The following STXBP3 variants were observed in gnomAD, a reference collection of about 807,000 sequenced individuals.
STXBP3 encodes the protein syntaxin-binding protein 3.
STXBP3 carries 41 observed loss-of-function variants against 85.7 expected under a neutral mutation model. The observed-to-expected ratio is 0.48, with a 90% CI of 0.37 to 0.62. STXBP3 has a LOEUF of 0.62. STXBP3 is among the 20% of genes least tolerant of loss of function. STXBP3 has a pLI of 0.00. For synonymous variants in STXBP3, 229 were observed against 231.7 expected, an observed-to-expected ratio of 0.99 and a Z score of 0.10; for missense variants, 563 against 703.1, an observed-to-expected ratio of 0.80 and a Z score of 2.25.
chr1:108,772,452 TATAA>T (rs1339368282), intron 6 of STXBP3, among the ~76,000 whole-genome samples: 1 of 143,632 alleles, frequency 7.0e-6, no homozygotes, highest in Non-Finnish European at 1.5e-5. Context: ...CTGTATAATA[TATAA>T]ATACATATAT....
chr1:108,783,244 A>T lies in STXBP3; in HGVS notation c.963+538A>T, dbSNP rs543170057. Among the ~76,000 whole-genome samples the T allele has an allele frequency of 2.6e-5, 4 of 152,328 alleles. No individual in the cohort carries two copies. The South Asian group carries it at 8.3e-4, about 32-fold the overall frequency. ...TGCATTGTTGGGATTTTACATTCAGATATAATTTATAAGTAAAGCACACAA... is the reference window on the plus strand; with the variant it reads ...TGCATTGTTGGGATTTTACATTCAGTTATAATTTATAAGTAAAGCACACAA... On this transcript the variant is annotated intron_variant, in intron 11 of 18. Transcript: ENST00000370008.
At position 108,794,881 on chromosome 1, in the gene STXBP3, A is replaced by G. The variant is rs1275580648; in HGVS notation, c.1084A>G (p.Ile362Val). 2.5e-6 allele frequency: 4 copies of G among 1,609,194 alleles called. No individual in the cohort carries two copies. The highest frequency in any genetic ancestry group is 2.5e-6 in the Non-Finnish European group (3 of 1,177,308). The change falls in exon 13 of 19, where the codon ATA becomes GTA. Residue 362 changes from isoleucine (I) to valine (V), a missense_variant. By Grantham distance (29) the Ile-to-Val change is conservative (BLOSUM62 3). Transcript: ENST00000370008. Reference protein sequence around the residue: ...EDCMNKFKLNIEKLCKTEQDL... With the variant: ...EDCMNKFKLNVEKLCKTEQDL... ...TTGCATGAATAAGTTCAAGCTTAAT[A>G]TAGAAAAGCTCTGCAAAACTGAACA...
chr1:108,803,702 T>C (rs965199939), intron 17 of STXBP3, among the ~76,000 whole-genome samples: 16 of 152,204 alleles, frequency 1.1e-4, no homozygotes, highest in African/African-American at 3.6e-4. Context: ...TTGTCCAGGC[T>C]GGTCTCAAAC....
At chr1:108,799,636 T>G (rs1468228483) in intron 16 of STXBP3, among the ~76,000 whole-genome samples, 1 of 152,158 alleles carries the variant, frequency 6.6e-6, no homozygotes, top group Non-Finnish European at 1.5e-5. Context: ...CTCCATACTT[T>G]TCAGTTCATG....
In STXBP3 at chr1:108,779,279, A is replaced by G; in HGVS notation, c.685-7A>G. The G allele has an allele frequency of 6.2e-7, 1 of 1,608,488 alleles. No individual in the cohort carries two copies. The highest frequency in any genetic ancestry group is 8.5e-7 in the Non-Finnish European group (1 of 1,177,260). ...CTGCTTAAGATGATTTTATCTTGTTATTCTAGGGTAAAACTCATTCACAGC... is the reference window on the plus strand; with the variant it reads ...CTGCTTAAGATGATTTTATCTTGTTGTTCTAGGGTAAAACTCATTCACAGC... On this transcript the variant is annotated splice_region_variant and splice_polypyrimidine_tract_variant and intron_variant, in intron 8 of 18. Transcript: ENST00000370008.
intron 1 of STXBP3, among the ~76,000 whole-genome samples, chr1:108,747,358 A>G (rs1181812804): frequency 6.6e-6 from 1 of 152,126 alleles, no homozygotes; most frequent in East Asian, 1.9e-4. Flanking sequence ...TTGAGAAGAG[A>G]CCATTGGAAT....
At chr1:108,767,462 A>T (rs948622611) in intron 6 of STXBP3, 1 of 193,600 alleles carries the variant, frequency 5.2e-6, no homozygotes, top group Non-Finnish European at 1.1e-5. Flanking sequence ...CCTCCTGTTT[A>T]TACTGGTATT....
intron 3 of STXBP3, among the ~76,000 whole-genome samples, chr1:108,755,082 C>CG (rs946841623): frequency 1.3e-4 from 20 of 151,590 alleles, no homozygotes; most frequent in African/African-American, 4.6e-4. Context: ...AAAACAAAAT[C>CG]GGGAAAAAAA....
At chr1:108,765,570 A>ATTTTTTTTTTTTTTTTTT (rs35813823) in intron 6 of STXBP3, among the ~76,000 whole-genome samples, 1 of 67,168 alleles carries the variant, frequency 1.5e-5, no homozygotes, top group African/African-American at 6.0e-5. Flanking sequence ...CCACATGCTA[A>ATTTTTTTTTTTTTTTTTT]TTTTTTTTTT....
chr1:108,751,583 T>G (rs1661907929), intron 1 of STXBP3, among the ~76,000 whole-genome samples: 1 of 152,064 alleles, frequency 6.6e-6, no homozygotes, highest in Non-Finnish European at 1.5e-5. Context: ...ACTACCGATT[T>G]TAAAATCAAT....
chr1:108,804,215 T>C (rs1384190613), intron 17 of STXBP3, among the ~76,000 whole-genome samples: 1 of 152,170 alleles, frequency 6.6e-6, no homozygotes, highest in African/African-American at 2.4e-5. Context: ...TTGTTTCTTC[T>C]GCTGGTGTTT....
chr1:108,770,350 T>C (rs1457586637), intron 6 of STXBP3, among the ~76,000 whole-genome samples: 1 of 151,868 alleles, frequency 6.6e-6, no homozygotes, highest in Admixed American at 6.6e-5. Context: ...CTGGTATCAG[T>C]GAGTGGGAGG....
chr1:108,755,411 C>T (rs1242964058), intron 3 of STXBP3, among the ~76,000 whole-genome samples: 1 of 152,080 alleles, frequency 6.6e-6, no homozygotes, highest in African/African-American at 2.4e-5. Flanking sequence ...TGTGCCACTA[C>T]ACTCCAGCCT....
At position 108,793,024 on chromosome 1, in the gene STXBP3, G is replaced by A. The variant is rs1663009976; in HGVS notation, c.964-558G>A. On this transcript the variant is annotated intron_variant, in intron 11 of 18. Transcript: ENST00000370008. ...TCTTTACTACACCTTTGAGGGTTAT[G>A]CCCTGTACATGTGCAGCTTAGGGGT... 2.6e-5 allele frequency among the ~76,000 whole-genome samples: 4 copies of A among 152,044 alleles called. No individual in the cohort carries two copies. In the South Asian group the frequency reaches 8.3e-4, roughly 32 times the overall value.
At chr1:108,797,787 G>A (rs181118368) in intron 15 of STXBP3, among the ~76,000 whole-genome samples, 9 of 151,986 alleles carry the variant, frequency 5.9e-5, no homozygotes, top group African/African-American at 2.2e-4. Flanking sequence ...CCAGGCTGGA[G>A]TGCAGTGGCT....
intron 17 of STXBP3, among the ~76,000 whole-genome samples, chr1:108,801,748 A>T (rs1361179866): frequency 1.3e-5 from 2 of 151,574 alleles, no homozygotes; most frequent in Non-Finnish European, 2.9e-5. Flanking sequence ...AGCTTACTAT[A>T]AACTCAAACG....
chr1:108,785,685 A>G (rs769947612), intron 11 of STXBP3, among the ~76,000 whole-genome samples: 3 of 152,110 alleles, frequency 2.0e-5, no homozygotes, highest in Non-Finnish European at 4.4e-5. Context: ...AGATTTTTCA[A>G]ACTTTTATGC....
intron 1 of STXBP3, among the ~76,000 whole-genome samples, chr1:108,749,699 A>G (rs1661862768): frequency 1.3e-5 from 2 of 152,200 alleles, no homozygotes; most frequent in South Asian, 4.1e-4. Flanking sequence ...TACTATCTCC[A>G]TAAAACTAGT....
intron 7 of STXBP3, among the ~76,000 whole-genome samples, chr1:108,775,016 A>G (rs979839718): frequency 6.6e-6 from 1 of 152,190 alleles, no homozygotes; most frequent in African/African-American, 2.4e-5. Flanking sequence ...TTTATAAAGT[A>G]TAATTTAAAA....
Sources: allele counts gnomAD v4.1 joint callset (sites outside exome capture counted in the v4.1 genomes callset), GRCh38; gene constraint gnomAD v4.1.1; transcripts MANE v1.5; gene names NCBI Gene and HGNC (gene_info 2026-07-23, HGNC 2026-07-21).